Variants in SPAG16 observed in about 807,000 individuals in gnomAD.
The protein encoded by SPAG16 is sperm-associated antigen 16 protein.
A neutral mutation model predicts 80.4 loss-of-function variants in SPAG16; 86 were observed. The ratio of observed to expected loss-of-function variants is 1.07; its 90% CI spans 0.90 to 1.28. The LOEUF is 1.28. Ranked by LOEUF, SPAG16 falls within the 50% of genes most tolerant of loss-of-function variation. The pLI, the probability that SPAG16 is intolerant of heterozygous loss-of-function variation, is 0.00. For synonymous variants in SPAG16, 294 were observed against 265.9 expected (o/e 1.11, Z -1.03); for missense variants, 870 against 765.3 (o/e 1.14, Z -1.61).
intron 15 of SPAG16, among the ~76,000 whole-genome samples, chr2:214,304,682 G>A (rs188712930): frequency 1.2e-4 from 19 of 152,172 alleles, no homozygotes; most frequent in Admixed American, 3.9e-4. Context: ...GTGCCACTGC[G>A]TTAGGGTCTC....
chr2:214,051,217 C>T (rs986623132), intron 13 of SPAG16, among the ~76,000 whole-genome samples: 5 of 152,214 alleles, frequency 3.3e-5, no homozygotes, highest in African/African-American at 1.2e-4. Context: ...TAGTGTTTTA[C>T]ATGCCAGTCT....
At chr2:213,678,498 C>G (rs1338354938) in intron 10 of SPAG16, among the ~76,000 whole-genome samples, 2 of 152,186 alleles carry the variant, frequency 1.3e-5, no homozygotes, top group South Asian at 2.1e-4. Flanking sequence ...CACCTCTACA[C>G]AAATAAACTA....
intron 10 of SPAG16, among the ~76,000 whole-genome samples, chr2:213,775,525 A>G (rs1283415394): frequency 6.6e-6 from 1 of 152,226 alleles, no homozygotes; most frequent in Non-Finnish European, 1.5e-5. Flanking sequence ...CCAAGTACAC[A>G]GTACAGTATT....
intron 10 of SPAG16, among the ~76,000 whole-genome samples, chr2:213,590,637 A>G (rs2060652770): frequency 6.6e-6 from 1 of 152,176 alleles, no homozygotes; most frequent in Non-Finnish European, 1.5e-5. Context: ...TATTATTAAA[A>G]AGTCAGAAAA....
At chr2:213,991,066 A>G (rs1239418496) in intron 12 of SPAG16, among the ~76,000 whole-genome samples, 3 of 151,980 alleles carry the variant, frequency 2.0e-5, no homozygotes, top group Non-Finnish European at 2.9e-5. Flanking sequence ...CAGGTTTGCT[A>G]CGTAGGTATA....
chr2:213,969,787 A>T (rs990357705), intron 12 of SPAG16, among the ~76,000 whole-genome samples: 5 of 152,172 alleles, frequency 3.3e-5, no homozygotes, highest in Non-Finnish European at 5.9e-5. Flanking sequence ...CTCAGGTGTC[A>T]GTTTAATAAA....
chr2:214,161,797 C>A (rs1482061242), intron 15 of SPAG16, among the ~76,000 whole-genome samples: 2 of 152,010 alleles, frequency 1.3e-5, no homozygotes, highest in African/African-American at 4.8e-5. Context: ...ACCTGTGTAA[C>A]AAACCTGCAC....
chr2:213,468,070 C>T (rs1220322349), intron 9 of SPAG16, among the ~76,000 whole-genome samples: 1 of 152,136 alleles, frequency 6.6e-6, no homozygotes, highest in African/African-American at 2.4e-5. Flanking sequence ...CCTGCTTCTG[C>T]AGCTTCCTCC....
chr2:214,007,543 T>A (rs1290672534), intron 12 of SPAG16, among the ~76,000 whole-genome samples: 1 of 152,258 alleles, frequency 6.6e-6, no homozygotes, highest in East Asian at 1.9e-4. Flanking sequence ...TTTCAGCCTT[T>A]CTGGTAGAAA....
chr2:213,522,964 G>A (rs906692133), intron 10 of SPAG16, among the ~76,000 whole-genome samples: 2 of 151,510 alleles, frequency 1.3e-5, no homozygotes, highest in African/African-American at 2.4e-5. Context: ...ACTAATTATT[G>A]TTAATTTAAT....
At chr2:214,040,917 T>A (rs915013109) in intron 13 of SPAG16, among the ~76,000 whole-genome samples, 1 of 152,102 alleles carries the variant, frequency 6.6e-6, no homozygotes, top group African/African-American at 2.4e-5. Flanking sequence ...AATTGTCCTT[T>A]AAAAATTAAT....
intron 10 of SPAG16, among the ~76,000 whole-genome samples, chr2:213,724,874 A>G (rs1029667129): frequency 6.6e-6 from 1 of 151,892 alleles, no homozygotes; most frequent in Non-Finnish European, 1.5e-5. Context: ...TGTATTAGGG[A>G]AAAGCAGAAT....
chr2:213,290,360 T>C (rs554873712), intron 1 of SPAG16, among the ~76,000 whole-genome samples: 2 of 152,248 alleles, frequency 1.3e-5, no homozygotes, highest in Admixed American at 6.5e-5. Context: ...GATGGTACTG[T>C]GGGCTGTGGC....
intron 10 of SPAG16, among the ~76,000 whole-genome samples, chr2:213,774,041 C>T (rs1482529147): frequency 1.3e-5 from 2 of 152,022 alleles, no homozygotes; most frequent in Admixed American, 1.3e-4. Flanking sequence ...ATTTTCTATT[C>T]CTATTTTTTA....
chr2:213,804,154 A>G (rs977168558), intron 10 of SPAG16, among the ~76,000 whole-genome samples: 3 of 152,242 alleles, frequency 2.0e-5, no homozygotes, highest in African/African-American at 7.2e-5. Flanking sequence ...ACAAAAAAAC[A>G]GATGAGGTCT....
intron 10 of SPAG16, among the ~76,000 whole-genome samples, chr2:213,825,539 T>C (rs984626296): frequency 1.3e-5 from 2 of 152,092 alleles, no homozygotes; most frequent in Admixed American, 1.3e-4. Flanking sequence ...TTGATTTGCA[T>C]ATGTTAAACC....
chr2:213,855,096 C>A (rs983476769), intron 10 of SPAG16, among the ~76,000 whole-genome samples: 37 of 152,192 alleles, frequency 2.4e-4, no homozygotes, highest in African/African-American at 8.7e-4. Context: ...TTTGCTTGAT[C>A]CATCCCACCA....
chr2:213,947,959 T>C (rs550873634), intron 12 of SPAG16, among the ~76,000 whole-genome samples: 1 of 152,262 alleles, frequency 6.6e-6, no homozygotes, highest in East Asian at 1.9e-4. Context: ...TTTTTCCTCT[T>C]ATCTAAAAAT....
At chr2:213,677,345 C>T (rs552988543) in intron 10 of SPAG16, among the ~76,000 whole-genome samples, 51 of 152,094 alleles carry the variant, frequency 3.4e-4, no homozygotes, top group African/African-American at 6.0e-4. Context: ...GAGTCAAGAC[C>T]CATCAGTGTG....
Sources: allele counts gnomAD v4.1 joint callset (sites outside exome capture counted in the v4.1 genomes callset), GRCh38; gene constraint gnomAD v4.1.1; transcripts MANE v1.5; gene names NCBI Gene and HGNC (gene_info 2026-07-23, HGNC 2026-07-21).